Variants in CNTN5 observed in about 807,000 individuals in gnomAD.
CNTN5 encodes the protein contactin 5.
CNTN5 carries 77 observed loss-of-function variants against 129.1 expected under a neutral mutation model. The observed-to-expected ratio is 0.60, with a 90% confidence interval of 0.50 to 0.72. The LOEUF (loss-of-function observed/expected upper bound fraction) is 0.72, where lower values mean the gene tolerates loss of function less well. Among genes scored for constraint, CNTN5 ranks in the 30% least tolerant of loss-of-function variants. The probability of loss-of-function intolerance (pLI) is 0.00; values close to 1 mark genes in which losing one functional copy is unlikely to be tolerated. For synonymous variants in CNTN5, 509 were observed against 465.6 expected (o/e 1.09, Z -1.20); for missense variants, 1,478 against 1,328.8 (o/e 1.11, Z -1.75).
intron 3 of CNTN5, among the ~76,000 whole-genome samples, chr11:99,767,765 G>A (rs904551146): frequency 2.0e-5 from 3 of 151,888 alleles, no homozygotes; most frequent in Non-Finnish European, 2.9e-5. Context: ...AGGCAGTGAC[G>A]TTACAGCAAA....
At chr11:100,130,636 T>TTGG (rs1946343913) in intron 13 of CNTN5, among the ~76,000 whole-genome samples, 1 of 152,032 alleles carries the variant, frequency 6.6e-6, no homozygotes, top group African/African-American at 2.4e-5. Flanking sequence ...ACCCACAGGA[T>TTGG]GCCATGGGTT....
intron 6 of CNTN5, among the ~76,000 whole-genome samples, chr11:99,906,467 A>C (rs1305859952): frequency 6.6e-6 from 1 of 152,190 alleles, no homozygotes; most frequent in Admixed American, 6.5e-5. Context: ...ATGTTGAACC[A>C]GCCTTGAATA....
intron 2 of CNTN5, among the ~76,000 whole-genome samples, chr11:99,497,072 T>C (rs962548481): frequency 2.0e-5 from 3 of 152,118 alleles, no homozygotes; most frequent in Non-Finnish European, 2.9e-5. Context: ...GCCTTGAGGA[T>C]TGAAAGAGAA....
At chr11:99,217,813 T>C (rs1476003979) in intron 1 of CNTN5, among the ~76,000 whole-genome samples, 1 of 152,098 alleles carries the variant, frequency 6.6e-6, no homozygotes, top group Admixed American at 6.6e-5. Flanking sequence ...CTTCTGCTTA[T>C]TTGCTAGATT....
At chr11:99,668,744 CAT>C (rs1952905055) in intron 3 of CNTN5, among the ~76,000 whole-genome samples, 2 of 152,088 alleles carry the variant, frequency 1.3e-5, no homozygotes, top group South Asian at 4.1e-4. Context: ...GCCTGGGCCA[CAT>C]AGTGGAACTT....
At chr11:100,140,521 G>A (rs927395340) in intron 13 of CNTN5, among the ~76,000 whole-genome samples, 3 of 152,102 alleles carry the variant, frequency 2.0e-5, no homozygotes, top group Admixed American at 2.0e-4. Flanking sequence ...ACAGAAAAGG[G>A]TGAACTAGAA....
intron 20 of CNTN5, among the ~76,000 whole-genome samples, chr11:100,301,409 C>T (rs1273671110): frequency 1.3e-5 from 2 of 151,462 alleles, no homozygotes; most frequent in East Asian, 3.9e-4. Flanking sequence ...TTGGAAATTT[C>T]TCTTTCAAGC....
intron 1 of CNTN5, among the ~76,000 whole-genome samples, chr11:99,274,708 T>C (rs1042691172): frequency 2.6e-5 from 4 of 151,550 alleles, no homozygotes; most frequent in African/African-American, 4.8e-5. Context: ...TGTGTGTTTG[T>C]GTGTTCTAAT....
intron 1 of CNTN5, among the ~76,000 whole-genome samples, chr11:99,103,289 T>C (rs1225073238): frequency 6.6e-6 from 1 of 152,216 alleles, no homozygotes; most frequent in African/African-American, 2.4e-5. Flanking sequence ...TAAAACTTTT[T>C]GATTATGTTT....
At chr11:100,035,860 G>T (rs1306674793) in intron 9 of CNTN5, among the ~76,000 whole-genome samples, 2 of 152,112 alleles carry the variant, frequency 1.3e-5, no homozygotes, top group Non-Finnish European at 2.9e-5. Flanking sequence ...GTAGATTCTG[G>T]ATATTAGCCC....
chr11:99,114,385 G>A (rs1364399242), intron 1 of CNTN5, among the ~76,000 whole-genome samples: 2 of 151,738 alleles, frequency 1.3e-5, no homozygotes. Flanking sequence ...AATGCTCAGA[G>A]GTCTTCTTCT....
chr11:99,041,327 T>C (rs1287748669), intron 1 of CNTN5, among the ~76,000 whole-genome samples: 1 of 152,180 alleles, frequency 6.6e-6, no homozygotes, highest in African/African-American at 2.4e-5. Context: ...TCCATTTCTA[T>C]CACCTTCTTT....
Position 99,556,548 on chromosome 11 carries a change from C to T in CNTN5, c.55+279C>T, listed in dbSNP as rs115260906. On this transcript the variant is annotated intron_variant, in intron 3 of 24. Coordinates refer to ENST00000524871, the MANE Select transcript of CNTN5 (RefSeq NM_014361.4). ...TCTAAACCATCTAGCTTTCAGAAGG[C>T]TTGGAAATATATATATATATATATA... is the stretch of plus-strand genomic sequence containing the variant. Among the ~76,000 whole-genome samples the T allele has an allele frequency of 0.032, 2,311 of 71,804 alleles. 83 individuals carry two copies. The highest frequency in any genetic ancestry group is 0.11 in the African/African-American group (2,196 of 20,588). 47.1% of individuals were successfully genotyped at this position (71,804 alleles called of 152,430 possible). A position where few individuals can be genotyped will look rare whatever the true frequency, so the allele number is the denominator to read the frequency against.
At chr11:100,225,009 C>G in intron 16 of CNTN5, 197 bp downstream of exon 16, 1 of 435,528 alleles carries the variant, frequency 2.3e-6, no homozygotes, top group East Asian at 3.5e-5. Flanking sequence ...ATGAAAACCA[C>G]CAAACTAACT....
chr11:99,260,035 C>G (rs939646343), intron 1 of CNTN5, among the ~76,000 whole-genome samples: 1 of 151,486 alleles, frequency 6.6e-6, no homozygotes, highest in South Asian at 2.1e-4. Flanking sequence ...TTACCTGAAG[C>G]GAAAATATTG....
chr11:100,157,665 A>G (rs1374458063), intron 13 of CNTN5, among the ~76,000 whole-genome samples: 2 of 151,816 alleles, frequency 1.3e-5, no homozygotes, highest in African/African-American at 4.8e-5. Context: ...AAGGTGGAAA[A>G]CTTGCCTTAC....
intron 21 of CNTN5, among the ~76,000 whole-genome samples, chr11:100,318,727 G>T (rs957068709): frequency 3.2e-4 from 49 of 152,152 alleles, no homozygotes; most frequent in African/African-American, 1.1e-3. Flanking sequence ...TGATAGAGGA[G>T]TACTAAATCT....
chr11:100,234,194 T>TGG (rs1949552729), intron 16 of CNTN5, among the ~76,000 whole-genome samples: 1 of 151,340 alleles, frequency 6.6e-6, no homozygotes, highest in Non-Finnish European at 1.5e-5. Flanking sequence ...ACACTGTTGG[T>TGG]GGGAGTGTAA....
At chr11:99,272,236 G>A (rs1028231815) in intron 1 of CNTN5, among the ~76,000 whole-genome samples, 4 of 151,544 alleles carry the variant, frequency 2.6e-5, no homozygotes, top group African/African-American at 9.7e-5. Context: ...TTTAAATATT[G>A]TCTTGTGCTG....
Sources: allele counts gnomAD v4.1 joint callset (sites outside exome capture counted in the v4.1 genomes callset), GRCh38; gene constraint gnomAD v4.1.1; transcripts MANE v1.5; gene names NCBI Gene and HGNC (gene_info 2026-07-23, HGNC 2026-07-21).